The following PDCD1LG2 variants were observed in gnomAD, a reference collection of about 807,000 sequenced individuals.
PDCD1LG2 encodes B7 dendritic cell molecule.
PDCD1LG2 carries 32 observed loss-of-function variants against 28.2 expected under a neutral mutation model. The observed-to-expected ratio is 1.13, with a 90% CI of 0.86 to 1.52. The LOEUF (loss-of-function observed/expected upper bound fraction) is 1.52. Among genes scored for constraint, PDCD1LG2 ranks in the 40% most tolerant of loss-of-function variants. The probability of loss-of-function intolerance (pLI) is 0.00; values close to 1 mark genes in which losing one functional copy is unlikely to be tolerated. For missense variants in PDCD1LG2, 385 were observed against 323.8 expected, an observed-to-expected ratio of 1.19 and a Z score of -1.45; for synonymous variants, 116 against 120.2, an observed-to-expected ratio of 0.97 and a Z score of 0.23.
intron 2 of PDCD1LG2, among the ~76,000 whole-genome samples, chr9:5,528,326 G>A (rs1820418234): frequency 6.7e-6 from 1 of 148,474 alleles, no homozygotes; most frequent in Non-Finnish European, 1.5e-5. Flanking sequence ...TTTTGAGACA[G>A]GGTATCACTC....
chr9:5,522,729 T>G, intron 2 of PDCD1LG2, 128 bp downstream of exon 2: 1 of 750,338 alleles, frequency 1.3e-6, no homozygotes. Flanking sequence ...TTCTGGGCTA[T>G]TCCAAGCACC....
chr9:5,547,005 C>T (rs1761039363), intron 3 of PDCD1LG2, among the ~76,000 whole-genome samples: 1 of 152,132 alleles, frequency 6.6e-6, no homozygotes, highest in African/African-American at 2.4e-5. Flanking sequence ...ATCAAATTGT[C>T]AACTCTTAAC....
intron 4 of PDCD1LG2, among the ~76,000 whole-genome samples, chr9:5,553,034 T>C (rs1816368666): frequency 6.6e-6 from 1 of 151,956 alleles, no homozygotes; most frequent in African/African-American, 2.4e-5. Flanking sequence ...TTGAGCCCAG[T>C]AGATTGAGGT....
At chr9:5,546,020 T>G (rs1011005618) in intron 3 of PDCD1LG2, among the ~76,000 whole-genome samples, 4 of 152,146 alleles carry the variant, frequency 2.6e-5, no homozygotes, top group Admixed American at 2.0e-4. Context: ...CGATTCCTTT[T>G]CCACCACCTT....
At chr9:5,530,116 G>A (rs970016010) in intron 2 of PDCD1LG2, among the ~76,000 whole-genome samples, 3 of 152,054 alleles carry the variant, frequency 2.0e-5, no homozygotes, top group African/African-American at 4.8e-5. Flanking sequence ...CAAATAATTC[G>A]TTGTGTGTTT....
At position 5,549,413 on chromosome 9, in the gene PDCD1LG2, G is replaced by A. The variant is rs535770193; in HGVS notation, c.440G>A (p.Gly147Asp). Residue 147 changes from glycine to aspartate, a missense_variant, in exon 4 of 7, where the codon GGT (glycine) becomes GAT (aspartate). Transcript: ENST00000397747. Reference protein sequence around the residue: ...DEVELTCQATGYPLAEVSWPN... With the variant: ...DEVELTCQATDYPLAEVSWPN... Reference sequence around the variant, plus strand: ...GTAGAGCTCACCTGCCAGGCTACAGGTTATCCTCTGGCAGAAGTATCCTGG... The same window carrying A: ...GTAGAGCTCACCTGCCAGGCTACAGATTATCCTCTGGCAGAAGTATCCTGG... The A allele has an allele frequency of 1.9e-6, 3 of 1,614,134 alleles. No individual in the cohort carries two copies. Among genetic ancestry groups the A allele is most frequent in the East Asian group, 2.2e-5 (1 of 44,886 alleles).
intron 3 of PDCD1LG2, among the ~76,000 whole-genome samples, chr9:5,536,780 T>C (rs1586804282): frequency 6.6e-6 from 1 of 152,302 alleles, no homozygotes; most frequent in East Asian, 1.9e-4. Context: ...CAAAGACTTT[T>C]CAAGGGATGT....
At chr9:5,545,096 G>C (rs1264133321) in intron 3 of PDCD1LG2, among the ~76,000 whole-genome samples, 1 of 152,170 alleles carries the variant, frequency 6.6e-6, no homozygotes, top group Non-Finnish European at 1.5e-5. Context: ...TATCAGAAGG[G>C]TTACCTGCAA....
Position 5,522,658 on chromosome 9 carries a change from C to T in PDCD1LG2, c.55+57C>T, listed in dbSNP as rs1006606309. 43 of 1,526,198 alleles carry T rather than the reference C, an allele frequency of 2.8e-5. No homozygotes were observed. In the African/African-American group the frequency reaches 5.0e-4, roughly 18 times the overall value. The allele number at this position is 1,526,198 out of a possible 1,614,324, so 94.5% of individuals were successfully genotyped here. ...AGAAGAGCAGGTGGTGGTTCCTAGC[C>T]AAAGCCAAAAATGAGAATGTGGCCC... On this transcript the variant is annotated intron_variant, in intron 2 of 6. Coordinates refer to ENST00000397747, the MANE Select transcript of PDCD1LG2 (RefSeq NM_025239.4).
At chr9:5,544,327 G>A (rs1028541110) in intron 3 of PDCD1LG2, among the ~76,000 whole-genome samples, 1 of 152,192 alleles carries the variant, frequency 6.6e-6, no homozygotes, top group African/African-American at 2.4e-5. Context: ...GGTTAATGGA[G>A]CCCAGGGATT....
rs145406425 is a variant in PDCD1LG2 at position 5,556,958 on chromosome 9, A to T, written c.632-660A>T. On this transcript the variant is annotated intron_variant, in intron 4 of 6. Transcript: ENST00000397747. ...AACTCACCCTTTCCTCAGTGCTAGG[A>T]CGTTGAAAAACCGAAACAAGGCAAA... Among the ~76,000 whole-genome samples the T allele has an allele frequency of 1.9e-3, 297 of 152,316 alleles. 1 individual carries two copies. Among genetic ancestry groups the T allele is most frequent in the African/African-American group, 6.8e-3 (281 of 41,558 alleles).
intron 6 of PDCD1LG2, among the ~76,000 whole-genome samples, chr9:5,566,671 T>C (rs922063571): frequency 1.3e-5 from 2 of 152,202 alleles, no homozygotes; most frequent in Admixed American, 1.3e-4. Context: ...TTGTTTTTTA[T>C]ATTGAGATTT....
rs371695451 is a variant in PDCD1LG2 at position 5,526,004 on chromosome 9, G to A, written c.55+3403G>A. 3.9e-4 allele frequency among the ~76,000 whole-genome samples: 57 copies of A among 145,660 alleles called. No individual in the cohort carries two copies. The East Asian group carries it at 5.1e-3, about 13-fold the overall frequency. On this transcript the variant is annotated intron_variant, in intron 2 of 6. Coordinates refer to ENST00000397747, the MANE Select transcript of PDCD1LG2 (RefSeq NM_025239.4). ...GGAGGTGGCGGTGAGCCAAGATCACGCCACTGCACTCTAGCCTGGGCGACA... is the reference window on the plus strand; with the variant it reads ...GGAGGTGGCGGTGAGCCAAGATCACACCACTGCACTCTAGCCTGGGCGACA...
Sources: allele counts gnomAD v4.1 joint callset (sites outside exome capture counted in the v4.1 genomes callset), GRCh38; gene constraint gnomAD v4.1.1; transcripts MANE v1.5; gene names NCBI Gene and HGNC (gene_info 2026-07-23, HGNC 2026-07-21).